The following CHD9 variants were observed in gnomAD, a reference collection of about 807,000 sequenced individuals.
CHD9 encodes the protein chromodomain helicase DNA binding protein 9, also known as ATP-dependent chromatin remodeler CHD9.
A neutral mutation model predicts 316.1 loss-of-function variants in CHD9; 77 were observed. The ratio of observed to expected loss-of-function variants is 0.24; its 90% confidence interval spans 0.20 to 0.29. The LOEUF is 0.29. Ranked by LOEUF, CHD9 falls within the 10% of genes least tolerant of loss-of-function variation. The pLI is 1.00. For synonymous variants in CHD9, 1,129 were observed against 1,158.3 expected, an observed-to-expected ratio of 0.97 and a Z score of 0.51; for missense variants, 2,763 against 3,438.1, an observed-to-expected ratio of 0.80 and a Z score of 4.91.
intron 1 of CHD9, among the ~76,000 whole-genome samples, chr16:53,101,113 T>G (rs2036836528): frequency 6.6e-6 from 1 of 152,142 alleles, no homozygotes; most frequent in African/African-American, 2.4e-5. Flanking sequence ...TTACTGCATC[T>G]AACAAGCAGC....
chr16:53,146,113 C>T (rs771611470), intron 1 of CHD9, among the ~76,000 whole-genome samples: 1 of 150,380 alleles, frequency 6.6e-6, no homozygotes, highest in Non-Finnish European at 1.5e-5. Context: ...TATGGCTAGG[C>T]ACAGTGGCTC....
chr16:53,157,093 A>G lies in CHD9; in HGVS notation c.1004A>G (p.Asn335Ser), dbSNP rs763893803. Residue 335 changes from asparagine (N) to serine (S), a missense_variant, in exon 2 of 39, where the codon AAT (asparagine) becomes AGT (serine). Asn to Ser is a conservative substitution (Grantham distance 46). Coordinates refer to ENST00000447540, the MANE Select transcript of CHD9 (RefSeq NM_001308319.2). ...AACCCCAATACATCATTGAATTCAA[A>G]TAATTTCCAAATATTGCATTCATCA... is the stretch of plus-strand genomic sequence containing the variant. The part of the protein sequence containing the change: ...ILNPNTSLNS[N>S]NFQILHSSHP... 3 of 1,612,248 alleles carry G rather than the reference A, an allele frequency of 1.9e-6. No individual in the cohort carries two copies. The East Asian group carries it at 6.7e-5, about 36-fold the overall frequency.
intron 27 of CHD9, among the ~76,000 whole-genome samples, chr16:53,290,339 A>G (rs1469108521): frequency 1.3e-5 from 2 of 152,188 alleles, no homozygotes; most frequent in African/African-American, 4.8e-5. Flanking sequence ...GAGCTAAGCA[A>G]TGGAGGTGAT....
At chr16:53,298,881 A>C (rs2055075982) in intron 30 of CHD9, 1 of 158,668 alleles carries the variant, frequency 6.3e-6, no homozygotes, top group Middle Eastern at 5.3e-4. Flanking sequence ...ATTTGGAGGA[A>C]GAGACAGAAG....
intron 1 of CHD9, among the ~76,000 whole-genome samples, chr16:53,108,303 A>G (rs1003128086): frequency 6.6e-6 from 1 of 151,826 alleles, no homozygotes; most frequent in African/African-American, 2.4e-5. Flanking sequence ...TGAGTTTGAG[A>G]CCAGCCTGGG....
At chr16:53,136,066 A>T (rs898384069) in intron 1 of CHD9, among the ~76,000 whole-genome samples, 2 of 152,122 alleles carry the variant, frequency 1.3e-5, no homozygotes, top group Non-Finnish European at 2.9e-5. Context: ...GAGGCTTCTC[A>T]TTTAATGGTG....
intron 2 of CHD9, among the ~76,000 whole-genome samples, chr16:53,179,598 A>G (rs757093570): frequency 1.8e-4 from 27 of 152,236 alleles, no homozygotes; most frequent in Non-Finnish European, 3.5e-4. Flanking sequence ...TGTCATTTAA[A>G]AAATTAATAA....
chr16:53,203,021 A>G (rs1418969117), intron 2 of CHD9, among the ~76,000 whole-genome samples: 1 of 152,166 alleles, frequency 6.6e-6, no homozygotes, highest in Non-Finnish European at 1.5e-5. Flanking sequence ...ACATGTATTT[A>G]TTGATAGTTT....
intron 1 of CHD9, among the ~76,000 whole-genome samples, chr16:53,153,313 G>A (rs1400297636): frequency 6.6e-6 from 1 of 152,124 alleles, no homozygotes; most frequent in Non-Finnish European, 1.5e-5. Flanking sequence ...GAGAGAAATA[G>A]CAGCTTGTTT....
At chr16:53,111,547 C>T (rs1047481350) in intron 1 of CHD9, among the ~76,000 whole-genome samples, 1 of 152,146 alleles carries the variant, frequency 6.6e-6, no homozygotes, top group Admixed American at 6.6e-5. Context: ...TCTCCATTTG[C>T]CTCATGTGCT....
chr16:53,214,421 A>G (rs979327225), intron 3 of CHD9, among the ~76,000 whole-genome samples: 6 of 152,134 alleles, frequency 3.9e-5, no homozygotes, highest in African/African-American at 1.2e-4. Context: ...TAAATGTGTT[A>G]ATTGTTTATT....
intron 1 of CHD9, among the ~76,000 whole-genome samples, chr16:53,107,386 G>A (rs1023615678): frequency 2.6e-5 from 4 of 151,496 alleles, no homozygotes; most frequent in African/African-American, 7.3e-5. Flanking sequence ...CTTGAACCCG[G>A]GAGGTGGAGG....
chr16:53,191,591 G>T (rs997269134), intron 2 of CHD9, among the ~76,000 whole-genome samples: 25 of 152,206 alleles, frequency 1.6e-4, no homozygotes, highest in African/African-American at 6.0e-4. Context: ...CAGTCATGTT[G>T]TCTAAGGCAG....
intron 2 of CHD9, among the ~76,000 whole-genome samples, chr16:53,181,285 A>G (rs2043496643): frequency 6.6e-6 from 1 of 152,100 alleles, no homozygotes; most frequent in South Asian, 2.1e-4. Context: ...TGCTGGGATT[A>G]TAGATGGGAG....
At chr16:53,285,283 T>C (rs1014707833) in intron 24 of CHD9, among the ~76,000 whole-genome samples, 1 of 152,226 alleles carries the variant, frequency 6.6e-6, no homozygotes, top group African/African-American at 2.4e-5. Flanking sequence ...ACATAGTCTC[T>C]ACTTCCAATA....
intron 1 of CHD9, among the ~76,000 whole-genome samples, chr16:53,132,579 G>GT (rs918699029): frequency 6.6e-6 from 1 of 152,080 alleles, no homozygotes; most frequent in African/African-American, 2.4e-5. Flanking sequence ...GGAGGAGTTT[G>GT]TTTTTGTTTT....
intron 10 of CHD9, 65 bp from the exon 11 acceptor site, chr16:53,235,119 GC>G (rs138933404): frequency 0.029 from 39,375 of 1,355,742 alleles, 708 homozygotes; most frequent in South Asian, 0.066. Flanking sequence ...TTAAACCAAT[GC>G]TTTTTGCCTT....
intron 2 of CHD9, chr16:53,208,845 A>C (rs1164872711): frequency 2.0e-6 from 1 of 512,460 alleles, no homozygotes. Flanking sequence ...AAAACTGTAA[A>C]ACTTGTTTAT....
At chr16:53,269,178 G>A (rs1440980129) in intron 22 of CHD9, among the ~76,000 whole-genome samples, 3 of 152,006 alleles carry the variant, frequency 2.0e-5, no homozygotes, top group Admixed American at 6.6e-5. Context: ...AGAGGTATAC[G>A]CTAGTACTTT....
Sources: gnomAD v4.1 joint callset for allele counts (sites outside exome capture counted in the v4.1 genomes callset) on GRCh38, gnomAD v4.1.1 for gene constraint, MANE v1.5 for transcripts, NCBI Gene and HGNC (gene_info 2026-07-23, HGNC 2026-07-21) for gene names.